LRP1B: variants seen among roughly 807,000 people sequenced by gnomAD.
LRP1B encodes low-density lipoprotein receptor-related protein 1B.
Under a neutral mutation model 556.6 loss-of-function variants are expected in LRP1B, and 217 were observed. The ratio of observed to expected loss-of-function variants is 0.39; its 90% CI spans 0.35 to 0.44. The LOEUF is 0.44. Ranked by LOEUF, LRP1B falls within the 20% of genes least tolerant of loss-of-function variation. The pLI, the probability that LRP1B is intolerant of heterozygous loss-of-function variation, is 1.00. For synonymous variants in LRP1B, 2,047 were observed against 1,865.8 expected (o/e 1.10, Z -2.50); for missense variants, 5,053 against 5,620.8 (o/e 0.90, Z 3.23).
intron 79 of LRP1B, among the ~76,000 whole-genome samples, chr2:140,327,046 T>TGTGACATA (rs1279523151): frequency 1.3e-5 from 2 of 152,110 alleles, no homozygotes; most frequent in Non-Finnish European, 2.9e-5. Flanking sequence ...GATTAACTTT[T>TGTGACATA]GTGACATAGC....
In LRP1B at chr2:141,254,629, T is replaced by C. The variant is rs1272766025; in HGVS notation, c.356A>G (p.Asn119Ser). The C allele has an allele frequency of 3.1e-6, 5 of 1,608,808 alleles. No individual in the cohort carries two copies. Among genetic ancestry groups the C allele is most frequent in the South Asian group, 2.2e-5 (2 of 90,920 alleles). The change falls in exon 4 of 91, where the codon AAT (asparagine) becomes AGT (serine). Residue 119 changes from asparagine (N) to serine (S), a missense_variant. Asn to Ser is a conservative substitution (Grantham distance 46). Transcript: ENST00000389484. The part of the protein sequence containing the change: ...EGVHCQELLS[N>S]CQQLNCQYKC... ...ATACTGACAATTCAGCTGTTGGCAA[T>C]TGGATAACAGTTCTGTAGAGAAAAA...
intron 2 of LRP1B, among the ~76,000 whole-genome samples, chr2:141,641,238 T>A (rs1281478021): frequency 2.0e-5 from 3 of 152,138 alleles, no homozygotes; most frequent in African/African-American, 7.2e-5. Flanking sequence ...GTGCCAGCAA[T>A]GATAATTGCA....
intron 41 of LRP1B, among the ~76,000 whole-genome samples, chr2:140,614,138 C>G (rs1019993091): frequency 6.6e-6 from 1 of 151,972 alleles, no homozygotes; most frequent in Non-Finnish European, 1.5e-5. Flanking sequence ...CTTGTTCAGG[C>G]CCCTACTTCC....
intron 3 of LRP1B, among the ~76,000 whole-genome samples, chr2:141,260,227 T>C (rs1019440502): frequency 1.3e-5 from 2 of 152,230 alleles, no homozygotes; most frequent in Non-Finnish European, 2.9e-5. Context: ...TTTGTATCTA[T>C]AAAATACAAA....
intron 3 of LRP1B, among the ~76,000 whole-genome samples, chr2:141,374,009 T>A (rs934247757): frequency 6.6e-6 from 1 of 152,126 alleles, no homozygotes; most frequent in Admixed American, 6.5e-5. Context: ...CATTTACATG[T>A]TTAAGATCCT....
chr2:141,946,780 G>A (rs1389518340), intron 1 of LRP1B, among the ~76,000 whole-genome samples: 1 of 152,050 alleles, frequency 6.6e-6, no homozygotes, highest in African/African-American at 2.4e-5. Flanking sequence ...ATTTTCATCT[G>A]TATCTCACCG....
At chr2:140,595,092 A>ATCTATC (rs1385323966) in intron 43 of LRP1B, among the ~76,000 whole-genome samples, 35 of 14,394 alleles carry the variant, frequency 2.4e-3, no homozygotes, top group African/African-American at 6.8e-3. Flanking sequence ...AATTGAATAT[A>ATCTATC]TATATATATA....
rs138520825 is a variant in LRP1B at position 140,711,116 on chromosome 2, A to G, written c.6023+4857T>C. Among the ~76,000 whole-genome samples the G allele has an allele frequency of 1.5e-4, 23 of 152,062 alleles. No individual in the cohort carries two copies. The East Asian group carries it at 4.5e-3, about 29-fold the overall frequency. On this transcript the variant is annotated intron_variant, in intron 37 of 90. Transcript: ENST00000389484. The stretch of plus-strand genomic sequence containing the variant: ...AGAAGTCGTTTTAAGGAAGAAGGAA[A>G]CCTTTTTCTGAGGTTATACTCACTT...
chr2:141,517,746 A>G (rs1684377018), intron 2 of LRP1B, among the ~76,000 whole-genome samples: 1 of 152,216 alleles, frequency 6.6e-6, no homozygotes, highest in Non-Finnish European at 1.5e-5. Flanking sequence ...AGGAACTACC[A>G]GGCTTTTACC....
chr2:140,795,464 T>C (rs1690271246), intron 32 of LRP1B, among the ~76,000 whole-genome samples: 1 of 152,180 alleles, frequency 6.6e-6, no homozygotes, highest in African/African-American at 2.4e-5. Flanking sequence ...CCTGAATGGC[T>C]ATAGTTTAAA....
chr2:141,554,243 G>C (rs181228233), intron 2 of LRP1B, among the ~76,000 whole-genome samples: 3,268 of 107,776 alleles, frequency 0.03, 131 homozygotes, highest in African/African-American at 0.1. Flanking sequence ...TATATCTATA[G>C]GAATAGACCT....
At chr2:140,861,843 A>C (rs2029156) in intron 27 of LRP1B, among the ~76,000 whole-genome samples, 5,097 of 152,280 alleles carry the variant, frequency 0.033, 463 homozygotes, top group East Asian at 0.33. Flanking sequence ...CTACAAAAGC[A>C]AATACTGTTG....
At chr2:141,788,905 A>G (rs1437528120) in intron 2 of LRP1B, among the ~76,000 whole-genome samples, 2 of 152,158 alleles carry the variant, frequency 1.3e-5, no homozygotes, top group East Asian at 1.9e-4. Context: ...TCCATGGTGT[A>G]TATGTGCCAC....
Position 140,701,746 on chromosome 2 carries a change from T to A in LRP1B, c.6402A>T (p.Lys2134Asn). The A allele has an allele frequency of 6.2e-7, 1 of 1,612,964 alleles. No homozygotes were observed. Among genetic ancestry groups the A allele is most frequent in the Non-Finnish European group, 8.5e-7 (1 of 1,179,270 alleles). ...TGLGVNLKEV[K>N]IFNRVREKGT... The stretch of plus-strand genomic sequence containing the variant: ...CTTTCTCTCTTACTCGGTTAAATAT[T>A]TTAACCTCCTTCAGGTTGACTCCAA... The change falls in exon 40 of 91, where the codon AAA becomes AAT. Residue 2134 changes from lysine (K) to asparagine (N), a missense_variant. Physicochemically the swap from Lys to Asn is moderately conservative, Grantham distance 94. Around this residue, in one of 5 missense-constraint regions of LRP1B, gnomAD observed 3,619 missense variants for 3,931.9 expected, o/e 0.92. Coordinates refer to ENST00000389484, the MANE Select transcript of LRP1B (RefSeq NM_018557.3).
intron 41 of LRP1B, among the ~76,000 whole-genome samples, chr2:140,691,286 ACATGGAGAAAC>A (rs1304435494): frequency 6.6e-6 from 1 of 152,108 alleles, no homozygotes; most frequent in Non-Finnish European, 1.5e-5. Flanking sequence ...AGCCTGACCA[ACATGGAGAAAC>A]CCCGTCTCTA....
intron 17 of LRP1B, 36 bp from the exon 18 acceptor site, chr2:140,982,312 A>G (rs754216547): frequency 7.2e-7 from 1 of 1,380,280 alleles, no homozygotes; most frequent in Non-Finnish European, 1.0e-6. Flanking sequence ...AAATCAATTT[A>G]GAGGCATTTT....
At chr2:141,160,938 G>A (rs1574139773) in intron 7 of LRP1B, among the ~76,000 whole-genome samples, 1 of 151,912 alleles carries the variant, frequency 6.6e-6, no homozygotes, top group East Asian at 1.9e-4. Context: ...TAAGAGTATT[G>A]AGCCAATAAA....
intron 2 of LRP1B, among the ~76,000 whole-genome samples, chr2:141,677,345 TA>T (rs1574230072): frequency 6.6e-6 from 1 of 152,158 alleles, no homozygotes; most frequent in South Asian, 2.1e-4. Flanking sequence ...TGTTAAACCA[TA>T]TTGTGCAAAG....
At chr2:140,402,716 AC>A (rs1443117370) in intron 66 of LRP1B, among the ~76,000 whole-genome samples, 3 of 152,088 alleles carry the variant, frequency 2.0e-5, no homozygotes, top group Non-Finnish European at 4.4e-5. Context: ...TACCCCAGCC[AC>A]CCTCATAAAG....
Sources: gnomAD v4.1 joint callset for allele counts (sites outside exome capture counted in the v4.1 genomes callset) on GRCh38, gnomAD v4.1.1 for gene constraint, gnomAD v4.1.1 regional missense constraint, MANE v1.5 for transcripts, NCBI Gene and HGNC (gene_info 2026-07-23, HGNC 2026-07-21) for gene names.